The following ARHGAP22 variants were observed in gnomAD, a reference collection of about 807,000 sequenced individuals.
ARHGAP22 encodes the protein rho GTPase-activating protein 22.
Under a neutral mutation model 59.1 loss-of-function variants are expected in ARHGAP22, and 48 were observed. The ratio of observed to expected loss-of-function variants is 0.81; its 90% CI spans 0.64 to 1.03. The LOEUF is 1.03. Among genes scored for constraint, ARHGAP22 ranks in the 50% least tolerant of loss-of-function variants. ARHGAP22 has a pLI of 0.00. For synonymous variants in ARHGAP22, 445 were observed against 416.4 expected, an observed-to-expected ratio of 1.07 and a Z score of -0.84; for missense variants, 1,015 against 958.7, an observed-to-expected ratio of 1.06 and a Z score of -0.78.
At chr10:48,476,549 A>G (rs143334952) in intron 4 of ARHGAP22, among the ~76,000 whole-genome samples, 59 of 152,306 alleles carry the variant, frequency 3.9e-4, no homozygotes, top group African/African-American at 1.1e-3. Context: ...ACCTGCCAGC[A>G]CCATGCATGC....
chr10:48,535,274 T>G (rs1024315673), intron 3 of ARHGAP22, among the ~76,000 whole-genome samples: 8 of 152,224 alleles, frequency 5.3e-5, no homozygotes, highest in African/African-American at 1.9e-4. Flanking sequence ...CAAATCTCAG[T>G]GGCTTAATCC....
At chr10:48,595,179 C>T (rs953346795) in intron 1 of ARHGAP22, among the ~76,000 whole-genome samples, 2 of 152,068 alleles carry the variant, frequency 1.3e-5, no homozygotes, top group South Asian at 4.1e-4. Context: ...GGCTGTAGGA[C>T]AAGAGAGCTA....
At chr10:48,621,409 T>C (rs2061281130) in intron 1 of ARHGAP22, among the ~76,000 whole-genome samples, 1 of 152,244 alleles carries the variant, frequency 6.6e-6, no homozygotes, top group Admixed American at 6.5e-5. Flanking sequence ...ATAATATTTA[T>C]TCAATTACAC....
chr10:48,493,411 C>T, intron 3 of ARHGAP22: 1 of 1,530,254 alleles, frequency 6.5e-7, no homozygotes, highest in Admixed American at 2.0e-5. Context: ...TCCTCACAGC[C>T]TGCCAGTGAC....
intron 7 of ARHGAP22, among the ~76,000 whole-genome samples, chr10:48,453,652 G>A (rs1315733321): frequency 6.6e-6 from 1 of 152,252 alleles, no homozygotes; most frequent in Non-Finnish European, 1.5e-5. Flanking sequence ...ACCGCTATTT[G>A]TGTGAAAGGA....
intron 3 of ARHGAP22, among the ~76,000 whole-genome samples, chr10:48,533,548 T>C (rs1389284276): frequency 6.6e-6 from 1 of 152,230 alleles, no homozygotes; most frequent in Non-Finnish European, 1.5e-5. Flanking sequence ...TAGAGGCCAT[T>C]TCAAATCCTG....
At chr10:48,541,483 T>C (rs2055924787) in intron 3 of ARHGAP22, among the ~76,000 whole-genome samples, 1 of 152,168 alleles carries the variant, frequency 6.6e-6, no homozygotes, top group African/African-American at 2.4e-5. Flanking sequence ...ACCAGCCTGA[T>C]CTTCTTGAGC....
At chr10:48,594,009 A>C (rs1211038702) in intron 1 of ARHGAP22, among the ~76,000 whole-genome samples, 1 of 152,216 alleles carries the variant, frequency 6.6e-6, no homozygotes, top group Admixed American at 6.5e-5. Flanking sequence ...TAAAAGTTTT[A>C]AATGAAAGAG....
intron 4 of ARHGAP22, among the ~76,000 whole-genome samples, chr10:48,466,136 C>T (rs2047644791): frequency 6.6e-6 from 1 of 152,122 alleles, no homozygotes; most frequent in South Asian, 2.1e-4. Context: ...GAAGTGATTC[C>T]CTCCTCCTGG....
chr10:48,628,408 G>C (rs2061520543), intron 1 of ARHGAP22, among the ~76,000 whole-genome samples: 1 of 152,236 alleles, frequency 6.6e-6, no homozygotes, highest in Admixed American at 6.5e-5. Flanking sequence ...GAGCCAGTGT[G>C]TGCAAGGTCA....
At chr10:48,600,946 C>A (rs951061357) in intron 1 of ARHGAP22, among the ~76,000 whole-genome samples, 1 of 152,210 alleles carries the variant, frequency 6.6e-6, no homozygotes, top group African/African-American at 2.4e-5. Flanking sequence ...AGCTCCAGCC[C>A]ACAGCCTGGA....
At chr10:48,593,122 C>T (rs1030177590) in intron 1 of ARHGAP22, among the ~76,000 whole-genome samples, 1 of 152,220 alleles carries the variant, frequency 6.6e-6, no homozygotes, top group Admixed American at 6.5e-5. Context: ...CTCTCTGGGC[C>T]CTCCCGGATG....
upstream of ARHGAP22, among the ~76,000 whole-genome samples, chr10:48,655,063 TCC>T (rs1565069995): frequency 1.8e-5 from 1 of 56,434 alleles, no homozygotes; most frequent in African/African-American, 7.3e-5. Flanking sequence ...TCTCCTTCCT[TCC>T]CTCCTTCTCT....
At chr10:48,499,487 CA>C (rs2051289802) in intron 3 of ARHGAP22, among the ~76,000 whole-genome samples, 1 of 152,230 alleles carries the variant, frequency 6.6e-6, no homozygotes, top group South Asian at 2.1e-4. Context: ...TGGATATACT[CA>C]AAGCCAACAC....
intron 3 of ARHGAP22, among the ~76,000 whole-genome samples, chr10:48,494,624 CATCCATCCACCCATCT>C (rs2050741244): frequency 6.6e-6 from 1 of 152,156 alleles, no homozygotes; most frequent in Admixed American, 6.5e-5. Context: ...TCTGTCCGTC[CATCCATCCACCCATCT>C]ATCCATCCAC....
chr10:48,597,973 TC>T (rs2060166719), intron 1 of ARHGAP22, among the ~76,000 whole-genome samples: 2 of 152,198 alleles, frequency 1.3e-5, no homozygotes, highest in Non-Finnish European at 2.9e-5. Flanking sequence ...CACGCCTAAC[TC>T]AGTTCAGGCC....
intron 3 of ARHGAP22, among the ~76,000 whole-genome samples, chr10:48,550,017 T>G (rs1317673224): frequency 6.6e-6 from 1 of 152,220 alleles, no homozygotes; most frequent in African/African-American, 2.4e-5. Flanking sequence ...TACATTAAAT[T>G]CAGTTACCTA....
intron 5 of ARHGAP22, among the ~76,000 whole-genome samples, chr10:48,458,414 A>G (rs1338599929): frequency 6.6e-6 from 1 of 152,048 alleles, no homozygotes; most frequent in Non-Finnish European, 1.5e-5. Context: ...CAGGAACCAC[A>G]CCTTGGGAGA....
intron 4 of ARHGAP22, chr10:48,466,751 C>G (rs1207196598): frequency 1.3e-5 from 2 of 150,734 alleles, no homozygotes; most frequent in African/African-American, 2.4e-5. Flanking sequence ...CGCCGCCCGC[C>G]CGCCCCGGCC....
Sources: allele counts gnomAD v4.1 joint callset (sites outside exome capture counted in the v4.1 genomes callset), GRCh38; gene constraint gnomAD v4.1.1; transcripts MANE v1.5; gene names NCBI Gene and HGNC (gene_info 2026-07-23, HGNC 2026-07-21).